The following DOCK1 variants were observed in gnomAD, a reference collection of about 807,000 sequenced individuals.
The protein encoded by DOCK1 is dedicator of cytokinesis protein 1.
DOCK1 carries 138 observed loss-of-function variants against 262.7 expected under a neutral mutation model. The observed-to-expected ratio is 0.53, with a 90% CI of 0.46 to 0.61. DOCK1 has a LOEUF of 0.61. Among genes scored for constraint, DOCK1 ranks in the 20% least tolerant of loss-of-function variants. The pLI is 0.00. For synonymous variants in DOCK1, 866 were observed against 867.4 expected (o/e 1.00, Z 0.03); for missense variants, 1,908 against 2,370.7 (o/e 0.80, Z 4.05).
intron 39 of DOCK1, among the ~76,000 whole-genome samples, chr10:127,403,353 T>A (rs1293704043): frequency 6.6e-6 from 1 of 152,230 alleles, no homozygotes; most frequent in African/African-American, 2.4e-5. Flanking sequence ...CCAAGTCAGC[T>A]CTTATAACCA....
At chr10:127,044,315 C>A (rs149734597) in intron 21 of DOCK1, among the ~76,000 whole-genome samples, 4 of 152,066 alleles carry the variant, frequency 2.6e-5, no homozygotes, top group African/African-American at 9.7e-5. Context: ...GCCTCGTGTG[C>A]GTGTTTACTG....
chr10:127,063,218 G>A (rs547049364), intron 23 of DOCK1, among the ~76,000 whole-genome samples: 1 of 152,182 alleles, frequency 6.6e-6, no homozygotes, highest in Non-Finnish European at 1.5e-5. Context: ...TTTAATGTTT[G>A]TTTAACGTAT....
intron 27 of DOCK1, among the ~76,000 whole-genome samples, chr10:127,236,020 T>C (rs1306102836): frequency 6.6e-6 from 1 of 152,150 alleles, no homozygotes; most frequent in South Asian, 2.1e-4. Flanking sequence ...TGGAAACCCT[T>C]TGTCAGATAG....
intron 16 of DOCK1, among the ~76,000 whole-genome samples, 176 bp from the exon 17 acceptor site, chr10:127,031,474 G>A (rs2043236066): frequency 6.6e-6 from 1 of 152,122 alleles, no homozygotes; most frequent in South Asian, 2.1e-4. Context: ...TATGCTAGGA[G>A]TCTTCTTACT....
At chr10:126,939,062 G>GGGGGACGAACACCGGA (rs1358315231) in intron 1 of DOCK1, among the ~76,000 whole-genome samples, 1 of 95,314 alleles carries the variant, frequency 1.0e-5, no homozygotes, top group African/African-American at 3.9e-5. Context: ...AACACCGGGG[G>GGGGGACGAACACCGGA]GGGGACGAAC....
intron 16 of DOCK1, among the ~76,000 whole-genome samples, chr10:127,029,532 AG>A (rs1554868623): frequency 6.6e-6 from 1 of 152,222 alleles, no homozygotes; most frequent in Non-Finnish European, 1.5e-5. Context: ...TCTCAGGCCC[AG>A]CTGGCCAGGA....
At position 127,012,360 on chromosome 10, in the gene DOCK1, A is replaced by G. The variant is rs374940596; in HGVS notation, c.1187A>G (p.Asn396Ser). 14 of 1,613,864 alleles carry G rather than the reference A, an allele frequency of 8.7e-6. No individual in the cohort carries two copies. Among genetic ancestry groups the G allele is most frequent in the Middle Eastern group, 1.6e-4 (1 of 6,084 alleles). ...AAAGTCATCGCTGCCAAAGAAGTCA[A>G]CCACAAGGGGCAGGGTACGTATTTT... ...INKVIAAKEV[N>S]HKGQGLWVTL... The change falls in exon 12 of 52, where the codon AAC (asparagine) becomes AGC (serine). Residue 396 changes from asparagine (N) to serine (S), a missense_variant. By Grantham distance (46) the Asn-to-Ser change is conservative. Around this residue, in one of 9 missense-constraint regions of DOCK1, gnomAD observed 294 missense variants for 439.9 expected, o/e 0.67. Transcript: ENST00000623213. The surrounding 1 kb of genome is among the most constrained non-coding windows in gnomAD (Gnocchi z 4.0).
At chr10:127,147,215 G>A (rs1189681061) in intron 27 of DOCK1, among the ~76,000 whole-genome samples, 1 of 152,170 alleles carries the variant, frequency 6.6e-6, no homozygotes, top group Non-Finnish European at 1.5e-5. Context: ...GGATTGTGGT[G>A]GACTGGGATG....
chr10:126,975,235 C>T (rs552473864), intron 2 of DOCK1, among the ~76,000 whole-genome samples: 2 of 152,168 alleles, frequency 1.3e-5, no homozygotes, highest in South Asian at 2.1e-4. Context: ...TACTAACTGC[C>T]TGCCTCCCCG....
chr10:126,963,961 G>A (rs1288545730), intron 1 of DOCK1, among the ~76,000 whole-genome samples: 1 of 152,084 alleles, frequency 6.6e-6, no homozygotes, highest in Non-Finnish European at 1.5e-5. Flanking sequence ...GTTTGATTTT[G>A]AAGATAGAGT....
chr10:127,404,946 T>C (rs574713385), intron 40 of DOCK1, among the ~76,000 whole-genome samples: 2 of 152,362 alleles, frequency 1.3e-5, no homozygotes, highest in South Asian at 2.1e-4. Flanking sequence ...AATTGTACAG[T>C]GTTCGCCCTT....
At chr10:127,149,180 G>A (rs2052219947) in intron 27 of DOCK1, among the ~76,000 whole-genome samples, 1 of 152,108 alleles carries the variant, frequency 6.6e-6, no homozygotes, top group African/African-American at 2.4e-5. Flanking sequence ...GCAGCTCCTG[G>A]GATTTCAGAT....
intron 3 of DOCK1, among the ~76,000 whole-genome samples, chr10:126,980,978 C>T (rs1336297326): frequency 4.8e-5 from 7 of 147,036 alleles, no homozygotes; most frequent in Admixed American, 6.8e-5. Flanking sequence ...GGCGGAGTCT[C>T]GCTCTGTCGC....
intron 29 of DOCK1, among the ~76,000 whole-genome samples, chr10:127,298,185 A>C (rs1279766163): frequency 2.0e-5 from 3 of 152,162 alleles, no homozygotes; most frequent in Admixed American, 1.3e-4. Flanking sequence ...ATGTTCTGTA[A>C]CCTTAAATCC....
At chr10:127,019,609 G>A (rs1050143644) in intron 13 of DOCK1, among the ~76,000 whole-genome samples, 4 of 152,134 alleles carry the variant, frequency 2.6e-5, no homozygotes, top group Non-Finnish European at 5.9e-5. Context: ...CTAGCTGGGC[G>A]TGGTGGCATA....
At chr10:127,317,972 T>C (rs1167577932) in intron 29 of DOCK1, among the ~76,000 whole-genome samples, 1 of 152,228 alleles carries the variant, frequency 6.6e-6, no homozygotes, top group Non-Finnish European at 1.5e-5. Context: ...CAGGCCATTC[T>C]ACTGAAGGTG....
At chr10:126,941,680 G>A (rs894174179) in intron 1 of DOCK1, among the ~76,000 whole-genome samples, 4 of 152,062 alleles carry the variant, frequency 2.6e-5, no homozygotes, top group Non-Finnish European at 4.4e-5. Flanking sequence ...GCGTGAACCC[G>A]GGAGGCGGAG....
intron 27 of DOCK1, among the ~76,000 whole-genome samples, chr10:127,202,426 C>T (rs1033901991): frequency 6.6e-6 from 1 of 152,132 alleles, no homozygotes; most frequent in African/African-American, 2.4e-5. Context: ...ACTGGCTGCC[C>T]TTCCCAGGCC....
chr10:127,298,727 G>A (rs2061583630), intron 29 of DOCK1, among the ~76,000 whole-genome samples: 2 of 152,152 alleles, frequency 1.3e-5, no homozygotes, highest in Admixed American at 6.5e-5. Context: ...CAAACTTGTC[G>A]GGGTTTATAT....
Sources: gnomAD v4.1 joint callset for allele counts (sites outside exome capture counted in the v4.1 genomes callset) on GRCh38, gnomAD v4.1.1 for gene constraint, gnomAD v4.1.1 regional missense constraint, Gnocchi (gnomAD v3.1) non-coding constraint, MANE v1.5 for transcripts, NCBI Gene and HGNC (gene_info 2026-07-23, HGNC 2026-07-21) for gene names.